The following BIN1 variants were observed in gnomAD, a reference collection of about 807,000 sequenced individuals.
The protein encoded by BIN1 is bridging integrator 1.
Under a neutral mutation model 82.0 loss-of-function variants are expected in BIN1, and 53 were observed. The observed-to-expected ratio is 0.65, with a 90% confidence interval of 0.52 to 0.81. BIN1 has a LOEUF of 0.81. Ranked by LOEUF, BIN1 falls within the 40% of genes least tolerant of loss-of-function variation. The probability of loss-of-function intolerance (pLI) is 0.00; values close to 1 mark genes in which losing one functional copy is unlikely to be tolerated. For missense variants in BIN1, 642 were observed against 784.4 expected (o/e 0.82, Z 2.17); for synonymous variants, 302 against 328.0 (o/e 0.92, Z 0.86).
At chr2:127,106,252 G>A (rs1681107314) in intron 1 of BIN1, among the ~76,000 whole-genome samples, 1 of 152,206 alleles carries the variant, frequency 6.6e-6, no homozygotes, top group Admixed American at 6.5e-5. Context: ...CGGTGGGGCC[G>A]GGCTGGGCGG....
In BIN1 at chr2:127,067,633, G is replaced by T. The variant is rs2105044094; in HGVS notation, c.612+530C>A. On this transcript the variant is annotated intron_variant, in intron 7 of 18. Transcript: ENST00000316724. This position sits in a 1 kb window ranked among gnomAD's most constrained non-coding sequence, Gnocchi z 4.7. ...TCCAGAGTCACCACGGGGACCACAA[G>T]TCCGAGGAAAATGACGCAGGGGCTT... Among the ~76,000 whole-genome samples, 1 of 152,336 alleles carries T rather than the reference G, an allele frequency of 6.6e-6. No homozygotes were observed. Among genetic ancestry groups the T allele is most frequent in the South Asian group, 2.1e-4 (1 of 4,832 alleles).
At chr2:127,071,636 G>T (rs529783723) in intron 2 of BIN1, among the ~76,000 whole-genome samples, 1 of 152,136 alleles carries the variant, frequency 6.6e-6, no homozygotes, top group African/African-American at 2.4e-5. Context: ...CAGGAGGGGT[G>T]AACAATAGGT....
chr2:127,081,227 A>G (rs1687258358), intron 1 of BIN1, among the ~76,000 whole-genome samples: 1 of 152,184 alleles, frequency 6.6e-6, no homozygotes, highest in Admixed American at 6.5e-5. Flanking sequence ...GGAGCAGCTC[A>G]CCACGTACAG....
intron 1 of BIN1, among the ~76,000 whole-genome samples, chr2:127,086,694 G>A: frequency 6.6e-6 from 1 of 152,066 alleles, no homozygotes; most frequent in East Asian, 1.9e-4. Flanking sequence ...TTTTAGTAGA[G>A]ATGGGGTTTC....
intron 2 of BIN1, among the ~76,000 whole-genome samples, chr2:127,072,626 A>G (rs2105095958): frequency 6.6e-6 from 1 of 152,264 alleles, no homozygotes; most frequent in Admixed American, 6.5e-5. Flanking sequence ...TGTGTGAAAA[A>G]AAAAAAAATC....
intron 11 of BIN1, among the ~76,000 whole-genome samples, chr2:127,058,166 C>T (rs1188831913): frequency 1.3e-5 from 2 of 152,196 alleles, no homozygotes; most frequent in East Asian, 1.9e-4. Context: ...AGGTGGGGGA[C>T]CTCAGGCAGG....
chr2:127,059,250 G>A lies in BIN1; in HGVS notation c.858-95C>T. Reference sequence around the variant, plus strand: ...TATTGACGTCTGTGTGAAGAGGTGTGTGCATATGGAGGTGTGAAACTGTGT... The same window carrying A: ...TATTGACGTCTGTGTGAAGAGGTGTATGCATATGGAGGTGTGAAACTGTGT... On this transcript the variant is annotated intron_variant, in intron 10 of 18. Transcript: ENST00000316724. This position sits in a 1 kb window ranked among gnomAD's most constrained non-coding sequence, Gnocchi z 6.7. The A allele has an allele frequency of 6.9e-7, 1 of 1,442,176 alleles. No individual in the cohort carries two copies. 89.3% of individuals were successfully genotyped at this position (1,442,176 alleles called of 1,614,324 possible).
rs947624517 is a variant in BIN1 at position 127,057,057 on chromosome 2, G to A, written c.1131+416C>T. On this transcript the variant is annotated intron_variant, in intron 12 of 18. Coordinates refer to ENST00000316724, the MANE Select transcript of BIN1 (RefSeq NM_139343.3). This position sits in a 1 kb window ranked among gnomAD's most constrained non-coding sequence, Gnocchi z 5.0. ...GCCTGGCCGCTGCCCCCGCCCTCGA[G>A]GGGCTGACAGCAGCTGTGGGAGCTG... is the stretch of plus-strand genomic sequence containing the variant. Among the ~76,000 whole-genome samples, 3 of 152,212 alleles carry A rather than the reference G, an allele frequency of 2.0e-5. No individual in the cohort carries two copies. Among genetic ancestry groups the A allele is most frequent in the African/African-American group, 7.2e-5 (3 of 41,456 alleles).
chr2:127,080,139 G>A (rs1196835668), intron 1 of BIN1, among the ~76,000 whole-genome samples: 1 of 152,232 alleles, frequency 6.6e-6, no homozygotes, highest in Non-Finnish European at 1.5e-5. Flanking sequence ...CAAGTGGCCT[G>A]GGGTCCCCAT....
Position 127,057,418 on chromosome 2 carries a change from A to G in BIN1, c.1131+55T>C. ...GAAGCATAGAGGATGAAGGCCATGCACGCCCTGAGAGGGCAGGAAGAGAGG... is the reference window on the plus strand; with the variant it reads ...GAAGCATAGAGGATGAAGGCCATGCGCGCCCTGAGAGGGCAGGAAGAGAGG... On this transcript the variant is annotated intron_variant, in intron 12 of 18. Transcript: ENST00000316724. This position sits in a 1 kb window ranked among gnomAD's most constrained non-coding sequence, Gnocchi z 5.0. 6.6e-7 allele frequency: 1 copy of G among 1,506,282 alleles called. No individual in the cohort carries two copies. The highest frequency in any genetic ancestry group is 8.9e-7 in the Non-Finnish European group (1 of 1,124,822). 93.3% of individuals were successfully genotyped at this position (1,506,282 alleles called of 1,614,324 possible).
chr2:127,086,548 C>T (rs1410500648), intron 1 of BIN1, among the ~76,000 whole-genome samples: 1 of 149,078 alleles, frequency 6.7e-6, no homozygotes, highest in East Asian at 2.0e-4. Context: ...CGCTCTGTTG[C>T]CCAGGCTGGA....
At chr2:127,050,643 G>T in intron 17 of BIN1, 121 bp from the exon 18 acceptor site, 1 of 1,354,258 alleles carries the variant, frequency 7.4e-7, no homozygotes, top group South Asian at 1.2e-5. Context: ...CTCAAAAGCA[G>T]CAGGACAGTA....
chr2:127,053,250 G>C (rs1017110850), intron 14 of BIN1, 172 bp downstream of exon 14: 1 of 890,490 alleles, frequency 1.1e-6, no homozygotes, highest in South Asian at 1.5e-5. Context: ...AGAATGGCTG[G>C]AGGCGGGTGG....
chr2:127,060,312 G>A (rs996102418), intron 10 of BIN1, among the ~76,000 whole-genome samples: 1 of 152,170 alleles, frequency 6.6e-6, no homozygotes, highest in African/African-American at 2.4e-5. Flanking sequence ...TCCCAGCCAC[G>A]TCCTCCATTG....
chr2:127,106,659 G>A (rs1681173074), intron 1 of BIN1, among the ~76,000 whole-genome samples: 1 of 152,206 alleles, frequency 6.6e-6, no homozygotes. Flanking sequence ...GGGAGACAGA[G>A]GACGCAAACC....
Position 127,104,482 on chromosome 2 carries a change from C to G in BIN1, c.84+2378G>C, listed in dbSNP as rs567229312. 1.4e-3 allele frequency among the ~76,000 whole-genome samples: 215 copies of G among 152,228 alleles called. 1 individual carries two copies. Among genetic ancestry groups the G allele is most frequent in the African/African-American group, 5.1e-3 (211 of 41,536 alleles). On this transcript the variant is annotated intron_variant, in intron 1 of 18. Transcript: ENST00000316724. ...TGAAGGGTGGATGCAAGATACGGGC[C>G]CTTCTTCCTACGCCAGGACGCCAGG...
intron 1 of BIN1, among the ~76,000 whole-genome samples, chr2:127,101,232 T>A (rs888358403): frequency 3.9e-5 from 6 of 152,042 alleles, no homozygotes; most frequent in Non-Finnish European, 8.8e-5. Flanking sequence ...GCACTCTTAA[T>A]CCTAAAAGGA....
intron 14 of BIN1, 51 bp downstream of exon 14, chr2:127,053,371 C>A (rs775174601): frequency 6.2e-7 from 1 of 1,610,946 alleles, no homozygotes; most frequent in Non-Finnish European, 8.5e-7. Context: ...TGGACACATA[C>A]GGAAGAGTGG....
intron 18 of BIN1, 65 bp downstream of exon 18, chr2:127,050,355 CG>C: frequency 6.4e-7 from 1 of 1,568,688 alleles, no homozygotes; most frequent in Non-Finnish European, 8.8e-7. Context: ...TCCGCCACGG[CG>C]GTGCCAGCCG....
Sources: allele counts gnomAD v4.1 joint callset (sites outside exome capture counted in the v4.1 genomes callset), GRCh38; gene constraint gnomAD v4.1.1; non-coding constraint Gnocchi (gnomAD v3.1); transcripts MANE v1.5; gene names NCBI Gene and HGNC (gene_info 2026-07-23, HGNC 2026-07-21).